The following NEGR1 variants were observed in gnomAD, a reference collection of about 807,000 sequenced individuals.
The protein encoded by NEGR1 is IgLON family member 4.
Under a neutral mutation model 40.9 loss-of-function variants are expected in NEGR1, and 10 were observed. The observed-to-expected ratio is 0.24, with a 90% CI of 0.15 to 0.42. The LOEUF (loss-of-function observed/expected upper bound fraction) is 0.42, where lower values mean the gene tolerates loss of function less well. Ranked by LOEUF, NEGR1 falls within the 10% of genes least tolerant of loss-of-function variation. The pLI is 1.00. For missense variants in NEGR1, 352 were observed against 438.9 expected (o/e 0.80, Z 1.77); for synonymous variants, 185 against 166.8 (o/e 1.11, Z -0.84).
intron 1 of NEGR1, among the ~76,000 whole-genome samples, chr1:72,076,655 T>A (rs1647750808): frequency 6.6e-6 from 1 of 152,060 alleles, no homozygotes; most frequent in Non-Finnish European, 1.5e-5. Context: ...CATATATATG[T>A]GTCCGTGTGT....
rs527761715 is a variant in NEGR1 at position 71,645,910 on chromosome 1, C to T, written c.668-34764G>A. Reference sequence around the variant, plus strand: ...TGCCTAGCACTGCATAGGTAATGGACTCTAGACAGGTATTTTTGGATTACA... The same window carrying T: ...TGCCTAGCACTGCATAGGTAATGGATTCTAGACAGGTATTTTTGGATTACA... On this transcript the variant is annotated intron_variant, in intron 4 of 6. Coordinates refer to ENST00000357731, the MANE Select transcript of NEGR1 (RefSeq NM_173808.3). 4.1e-4 allele frequency among the ~76,000 whole-genome samples: 63 copies of T among 151,818 alleles called. 1 individual carries two copies. The highest frequency in any genetic ancestry group is 6.6e-4 in the Non-Finnish European group (45 of 67,788).
intron 1 of NEGR1, among the ~76,000 whole-genome samples, chr1:71,950,078 T>C (rs1463684410): frequency 4.6e-5 from 7 of 152,088 alleles, no homozygotes; most frequent in Admixed American, 2.0e-4. Context: ...TCAAACAACA[T>C]AATATTGTAA....
chr1:71,732,861 C>T (rs542830239), intron 3 of NEGR1, among the ~76,000 whole-genome samples: 1 of 152,032 alleles, frequency 6.6e-6, no homozygotes, highest in African/African-American at 2.4e-5. Context: ...AATAAAATTC[C>T]ATTTTATAGA....
chr1:71,582,274 C>A (rs1363577153), intron 6 of NEGR1, among the ~76,000 whole-genome samples: 1 of 151,982 alleles, frequency 6.6e-6, no homozygotes, highest in Non-Finnish European at 1.5e-5. Flanking sequence ...AAGTGTTTAA[C>A]AAAAGACTGT....
intron 5 of NEGR1, among the ~76,000 whole-genome samples, chr1:71,598,868 T>C (rs577308359): frequency 1.3e-4 from 20 of 152,306 alleles, no homozygotes; most frequent in Non-Finnish European, 2.6e-4. Context: ...TCTAACATCA[T>C]TTCAGCTTTA....
At chr1:71,945,922 GT>G (rs1461861334) in intron 1 of NEGR1, among the ~76,000 whole-genome samples, 1 of 152,142 alleles carries the variant, frequency 6.6e-6, no homozygotes. Context: ...TTATTACAAT[GT>G]TTTATAGGTT....
At chr1:71,609,460 A>G (rs1165494640) in intron 5 of NEGR1, among the ~76,000 whole-genome samples, 1 of 130,868 alleles carries the variant, frequency 7.6e-6, no homozygotes, top group Non-Finnish European at 1.6e-5. Flanking sequence ...GCTTGCAGTG[A>G]GCCGACATCA....
intron 1 of NEGR1, among the ~76,000 whole-genome samples, chr1:72,045,176 GC>G (rs1646989890): frequency 6.6e-6 from 1 of 151,804 alleles, no homozygotes; most frequent in African/African-American, 2.4e-5. Context: ...GAGCAAGAAA[GC>G]TACTCGAAGT....
At chr1:71,445,580 A>C (rs1646576388) in intron 6 of NEGR1, among the ~76,000 whole-genome samples, 1 of 152,184 alleles carries the variant, frequency 6.6e-6, no homozygotes, top group African/African-American at 2.4e-5. Flanking sequence ...TGAGTCTCCT[A>C]ACTCTAATAA....
At chr1:72,218,372 GA>G (rs1036476026) in intron 1 of NEGR1, among the ~76,000 whole-genome samples, 6 of 151,112 alleles carry the variant, frequency 4.0e-5, no homozygotes, top group Non-Finnish European at 5.9e-5. Flanking sequence ...AGTCAAGTAA[GA>G]AAAAAAAGTA....
At chr1:71,814,264 C>T (rs574050360) in intron 2 of NEGR1, among the ~76,000 whole-genome samples, 1 of 152,144 alleles carries the variant, frequency 6.6e-6, no homozygotes, top group South Asian at 2.1e-4. Flanking sequence ...ATGAAGCCGA[C>T]TTTATCACGG....
intron 5 of NEGR1, among the ~76,000 whole-genome samples, chr1:71,609,925 G>A (rs1331837377): frequency 6.6e-6 from 1 of 152,190 alleles, no homozygotes; most frequent in Non-Finnish European, 1.5e-5. Flanking sequence ...TAGTGAGTGA[G>A]TTCTCACAAG....
intron 3 of NEGR1, among the ~76,000 whole-genome samples, chr1:71,767,192 C>A (rs1656164123): frequency 6.6e-6 from 1 of 151,938 alleles, no homozygotes; most frequent in Non-Finnish European, 1.5e-5. Flanking sequence ...GTTTGGAGGG[C>A]CCAAAAGAAG....
At chr1:71,470,903 TC>T (rs1480009381) in intron 6 of NEGR1, among the ~76,000 whole-genome samples, 1 of 152,160 alleles carries the variant, frequency 6.6e-6, no homozygotes, top group Non-Finnish European at 1.5e-5. Context: ...TGTTTATTTT[TC>T]TTTGATTTCC....
chr1:71,463,077 T>A (rs1569903014), intron 6 of NEGR1, among the ~76,000 whole-genome samples: 1 of 152,106 alleles, frequency 6.6e-6, no homozygotes, highest in African/African-American at 2.4e-5. Context: ...ACTGGGGTAG[T>A]TTGGGTTGGT....
intron 1 of NEGR1, among the ~76,000 whole-genome samples, chr1:72,267,519 T>C (rs1432316786): frequency 6.6e-6 from 1 of 151,230 alleles, no homozygotes; most frequent in Non-Finnish European, 1.5e-5. Flanking sequence ...GTTATATGTA[T>C]CAAATATTAA....
intron 6 of NEGR1, among the ~76,000 whole-genome samples, chr1:71,463,925 T>G (rs973463336): frequency 2.0e-5 from 3 of 152,138 alleles, no homozygotes; most frequent in African/African-American, 7.2e-5. Flanking sequence ...TAAATGGAGC[T>G]TATGCCAGAT....
chr1:71,833,458 A>G (rs1183566638), intron 2 of NEGR1, among the ~76,000 whole-genome samples: 1 of 152,116 alleles, frequency 6.6e-6, no homozygotes, highest in African/African-American at 2.4e-5. Flanking sequence ...GTTGGTCAAG[A>G]CTAGAATTCT....
chr1:71,957,123 G>T (rs913291173), intron 1 of NEGR1, among the ~76,000 whole-genome samples: 1 of 152,052 alleles, frequency 6.6e-6, no homozygotes, highest in African/African-American at 2.4e-5. Flanking sequence ...TGATATCCAA[G>T]ATTAATCTTC....
Sources: gnomAD v4.1 joint callset for allele counts (sites outside exome capture counted in the v4.1 genomes callset) on GRCh38, gnomAD v4.1.1 for gene constraint, MANE v1.5 for transcripts, NCBI Gene and HGNC (gene_info 2026-07-23, HGNC 2026-07-21) for gene names.